Variants in CEBPZOS observed in about 807,000 individuals in gnomAD.
CEBPZOS encodes the protein CEBPZ opposite strand.
A neutral mutation model predicts 4.8 loss-of-function variants in CEBPZOS; 10 were observed. The ratio of observed to expected loss-of-function variants is 2.07; its 90% CI spans 1.28 to 3.52. The LOEUF is 3.52. Ranked by LOEUF, CEBPZOS falls within the 30% of genes most tolerant of loss-of-function variation. CEBPZOS has a pLI of 0.00. For synonymous variants in CEBPZOS, 25 were observed against 14.2 expected (o/e 1.77, Z -1.72); for missense variants, 98 against 43.6 (o/e 2.25, Z -3.51).
Position 37,211,224 on chromosome 2 carries a change from T to C in CEBPZOS, c.*3-2213T>C. On this transcript the variant is annotated intron_variant, in intron 4 of 4. Transcript: ENST00000397064. ...TGTGGGTTTTGTAATTCCACTAGCA[T>C]AGGCTTGAGGACAGACTGAGAAAAA... 7.5e-6 allele frequency: 4 copies of C among 532,590 alleles called. No individual in the cohort carries two copies. The South Asian group carries it at 1.2e-4, about 16-fold the overall frequency. 33.0% of individuals were successfully genotyped at this position (532,590 alleles called of 1,614,324 possible).
downstream of CEBPZOS, among the ~76,000 whole-genome samples, chr2:37,207,435 T>C (rs1350487798): frequency 6.6e-6 from 1 of 152,122 alleles, no homozygotes; most frequent in Non-Finnish European, 1.5e-5. Context: ...TTAAGAAAAC[T>C]GAAATTGTAT....
Position 37,212,419 on chromosome 2 carries a change from T to C in CEBPZOS, c.*3-1018T>C, listed in dbSNP as rs1398067106. 5.1e-6 allele frequency: 8 copies of C among 1,580,390 alleles called. No individual in the cohort carries two copies. The Admixed American group carries it at 1.3e-4, about 27-fold the overall frequency. On this transcript the variant is annotated intron_variant, in intron 4 of 4. Transcript: ENST00000397064. ...TGCCAGACAATACAGAAATGTGAGATACAACAAAGAATGACAAGCTTGACA... is the reference window on the plus strand; with the variant it reads ...TGCCAGACAATACAGAAATGTGAGACACAACAAAGAATGACAAGCTTGACA...
chr2:37,207,948 T>G (rs1319953009), downstream of CEBPZOS, among the ~76,000 whole-genome samples: 1 of 151,960 alleles, frequency 6.6e-6, no homozygotes, highest in Non-Finnish European at 1.5e-5. Flanking sequence ...TAAGCTCAAT[T>G]AGAGACGAAA....
At chr2:37,214,084 A>C, downstream of CEBPZOS, 1 of 483,396 alleles carries the variant, frequency 2.1e-6, no homozygotes, top group Non-Finnish European at 3.6e-6. Flanking sequence ...CTCAATTGGA[A>C]ATAAATGACT....
chr2:37,213,045 AAAAC>A (rs1398353000), intron 4 of CEBPZOS, among the ~76,000 whole-genome samples: 35 of 151,928 alleles, frequency 2.3e-4, no homozygotes, highest in East Asian at 5.8e-4. Flanking sequence ...AGCCTGTCTC[AAAAC>A]AAACAAACAA....
Position 37,201,788 on chromosome 2 carries a change from T to C in CEBPZOS, c.*2+62T>C, listed in dbSNP as rs1323719688. 7.4e-6 allele frequency: 11 copies of C among 1,492,208 alleles called. No individual in the cohort carries two copies. The East Asian group carries it at 1.4e-4, about 18-fold the overall frequency. The allele number at this position is 1,492,208 out of a possible 1,614,324, so 92.4% of individuals were successfully genotyped here. A position where few individuals can be genotyped will look rare whatever the true frequency, so the allele number is the denominator to read the frequency against. ...CTCATTTCCTTTGTTTTTTAGTTTT[T>C]TGAGTGGTTTTAATCCTCTTCTTTT... On this transcript the variant is annotated intron_variant, in intron 4 of 4. Coordinates refer to ENST00000402297, the MANE Select transcript of CEBPZOS (RefSeq NM_001322374.2).
intron 1 of CEBPZOS, 55 bp from the exon 2 acceptor site, chr2:37,199,646 GATA>G (rs1181001652): frequency 2.9e-6 from 2 of 688,826 alleles, no homozygotes; most frequent in Non-Finnish European, 2.7e-6. Flanking sequence ...TTAGAGAAAT[GATA>G]ATAGTAGTTT....
intron 4 of CEBPZOS, chr2:37,212,400 A>T: frequency 2.5e-6 from 4 of 1,610,636 alleles, no homozygotes; most frequent in Non-Finnish European, 2.5e-6. Flanking sequence ...TGTCTGCCAG[A>T]CAATACAGAA....
chr2:37,215,215 G>A (rs143339802), downstream of CEBPZOS: 2,117 of 281,326 alleles, frequency 7.5e-3, 13 homozygotes, highest in Non-Finnish European at 1.0e-2. Flanking sequence ...AAACAACAGG[G>A]TTCTCTTACT....
intron 1 of CEBPZOS, among the ~76,000 whole-genome samples, chr2:37,197,926 C>T (rs753868619): frequency 2.0e-5 from 3 of 151,886 alleles, no homozygotes; most frequent in Non-Finnish European, 4.4e-5. Context: ...TTTGGGAGGC[C>T]GAGGCCTGTG....
At chr2:37,212,433 A>C in intron 4 of CEBPZOS, 1 of 1,494,494 alleles carries the variant, frequency 6.7e-7, no homozygotes, top group Non-Finnish European at 9.3e-7. Context: ...ACAAAGAATG[A>C]CAAGCTTGAC....
At chr2:37,198,699 C>A (rs968650278) in intron 1 of CEBPZOS, 2 of 152,202 alleles carry the variant, frequency 1.3e-5, no homozygotes, top group Admixed American at 1.3e-4. Flanking sequence ...ATTTTCTTAG[C>A]TTATCTTTAA....
chr2:37,212,226 A>T, intron 4 of CEBPZOS: 1 of 1,087,020 alleles, frequency 9.2e-7, no homozygotes, highest in Non-Finnish European at 1.4e-6. Context: ...TCCCAAACTT[A>T]CTTGACTACA....
chr2:37,211,767 C>T lies in CEBPZOS; in HGVS notation c.*3-1670C>T, dbSNP rs1572498363. 7 of 1,119,306 alleles carry T rather than the reference C, an allele frequency of 6.3e-6. No individual in the cohort carries two copies. The African/African-American group carries it at 7.9e-5, about 13-fold the overall frequency. The allele number at this position is 1,119,306 out of a possible 1,614,324, so 69.3% of individuals were successfully genotyped here. ...TTGAATACAGGGCTATATTAAAAACCTTTAGCAGAAAAACAAACTTAAGGC... is the reference window on the plus strand; with the variant it reads ...TTGAATACAGGGCTATATTAAAAACTTTTAGCAGAAAAACAAACTTAAGGC... On this transcript the variant is annotated intron_variant, in intron 4 of 4. Coordinates refer to the CEBPZOS transcript ENST00000397064.
intron 4 of CEBPZOS, chr2:37,210,113 A>C (rs1677672365): frequency 6.6e-6 from 1 of 152,224 alleles, no homozygotes; most frequent in African/African-American, 2.4e-5. Context: ...GTAATTTAAA[A>C]ATAAAAAAAA....
downstream of CEBPZOS, among the ~76,000 whole-genome samples, chr2:37,207,453 C>T (rs767560566): frequency 6.6e-6 from 1 of 152,060 alleles, no homozygotes; most frequent in Non-Finnish European, 1.5e-5. Flanking sequence ...TATCAAGTAC[C>T]CTCTCACACC....
rs1677725274 is a variant in CEBPZOS at position 37,211,722 on chromosome 2, T to C, written c.*3-1715T>C. 9 of 685,698 alleles carry C rather than the reference T, an allele frequency of 1.3e-5. No individual in the cohort carries two copies. The Admixed American group carries it at 1.8e-4, about 14-fold the overall frequency. 42.5% of individuals were successfully genotyped at this position (685,698 alleles called of 1,614,324 possible). On this transcript the variant is annotated intron_variant, in intron 4 of 4. Transcript: ENST00000397064. ...AAGGGAAAAGGTCCTTTTAAGTTTC[T>C]GGCTGACATGAGTATTAATTTGAAT...
At chr2:37,201,458 CGAAATAGTGCTCATTACA>C in intron 3 of CEBPZOS, 166 bp from the exon 4 acceptor site, 1 of 551,360 alleles carries the variant, frequency 1.8e-6, no homozygotes, top group Non-Finnish European at 3.2e-6. Context: ...TGTAGTTAGA[CGAAATAGTGCTCATTACA>C]ATGATCAGAG....
intron 4 of CEBPZOS, chr2:37,212,284 C>T: frequency 1.3e-6 from 2 of 1,520,914 alleles, no homozygotes; most frequent in Non-Finnish European, 1.8e-6. Flanking sequence ...TGAGGGACAA[C>T]AATTTGGGAA....
Sources: gnomAD v4.1 joint callset for allele counts (sites outside exome capture counted in the v4.1 genomes callset) on GRCh38, gnomAD v4.1.1 for gene constraint, MANE v1.5 for transcripts, NCBI Gene and HGNC (gene_info 2026-07-23, HGNC 2026-07-21) for gene names.